The following ATRNL1 variants were observed in gnomAD, a reference collection of about 807,000 sequenced individuals.
ATRNL1 encodes attractin-like protein 1.
In ATRNL1, 95 loss-of-function variants were observed where a neutral mutation model predicts 182.7. The observed-to-expected ratio is 0.52, with a 90% CI of 0.44 to 0.62. The LOEUF is 0.62. Ranked by LOEUF, ATRNL1 falls within the 20% of genes least tolerant of loss-of-function variation. The pLI is 0.00. For synonymous variants in ATRNL1, 576 were observed against 568.3 expected (o/e 1.01, Z -0.19); for missense variants, 1,471 against 1,679.5 (o/e 0.88, Z 2.17).
chr10:115,151,966 A>G (rs551030563), intron 5 of ATRNL1, among the ~76,000 whole-genome samples: 2 of 152,340 alleles, frequency 1.3e-5, no homozygotes, highest in Admixed American at 6.5e-5. Flanking sequence ...TTTATTAAAT[A>G]GGGAATCCTT....
chr10:115,751,763 G>GC (rs1328838223), intron 27 of ATRNL1, among the ~76,000 whole-genome samples: 7 of 152,156 alleles, frequency 4.6e-5, no homozygotes, highest in Admixed American at 3.3e-4. Flanking sequence ...AGTGAAAGTG[G>GC]CAAGTTGAAA....
At chr10:115,475,225 T>C (rs1180564157) in intron 24 of ATRNL1, among the ~76,000 whole-genome samples, 2 of 151,494 alleles carry the variant, frequency 1.3e-5, no homozygotes, top group African/African-American at 4.8e-5. Context: ...TTAATGAATT[T>C]TGGAGATGAT....
intron 28 of ATRNL1, among the ~76,000 whole-genome samples, chr10:115,849,759 T>A (rs74901623): frequency 6.6e-6 from 1 of 152,036 alleles, no homozygotes; most frequent in African/African-American, 2.4e-5. Flanking sequence ...CAAGGAATAA[T>A]TGGGGAGAGG....
At chr10:115,637,490 T>C (rs1259237530) in intron 26 of ATRNL1, among the ~76,000 whole-genome samples, 1 of 151,868 alleles carries the variant, frequency 6.6e-6, no homozygotes, top group Non-Finnish European at 1.5e-5. Context: ...AAAATATTTT[T>C]GTATAGCAGT....
At chr10:115,182,754 A>G (rs1564803197) in intron 8 of ATRNL1, among the ~76,000 whole-genome samples, 1 of 151,544 alleles carries the variant, frequency 6.6e-6, no homozygotes, top group Admixed American at 6.6e-5. Flanking sequence ...ATTCACCACA[A>G]TGATATGATA....
chr10:115,413,658 G>A (rs563332861), intron 20 of ATRNL1, among the ~76,000 whole-genome samples: 9 of 152,128 alleles, frequency 5.9e-5, no homozygotes, highest in Non-Finnish European at 1.2e-4. Flanking sequence ...TAGCTCTTTT[G>A]TTTATGTGAC....
rs570882871 is a variant in ATRNL1, at chr10:115,659,624, TA to T, written c.3796-67623del. On this transcript the variant is annotated intron_variant, in intron 26 of 28. Transcript: ENST00000355044. ...ATTTATGCAGTTATTGTAATGCAGTTATTTAATGTAATGAGTCCTACACATA... is the reference window on the plus strand; with the variant it reads ...ATTTATGCAGTTATTGTAATGCAGTTTTTAATGTAATGAGTCCTACACATA... Among the ~76,000 whole-genome samples, 10 of 152,218 alleles carry T rather than the reference TA, an allele frequency of 6.6e-5. No homozygotes were observed. The East Asian group carries it at 1.9e-3, about 29-fold the overall frequency.
At chr10:115,506,509 C>T (rs577111975) in intron 24 of ATRNL1, among the ~76,000 whole-genome samples, 18 of 152,062 alleles carry the variant, frequency 1.2e-4, no homozygotes, top group African/African-American at 4.3e-4. Flanking sequence ...CTCTACCAGC[C>T]TAGAAGCTGG....
At chr10:115,813,604 A>G (rs531779103) in intron 27 of ATRNL1, among the ~76,000 whole-genome samples, 54 of 148,516 alleles carry the variant, frequency 3.6e-4, no homozygotes, top group African/African-American at 1.4e-3. Flanking sequence ...GCATTAGATT[A>G]TCACTAACAT....
intron 27 of ATRNL1, among the ~76,000 whole-genome samples, chr10:115,844,741 G>A (rs944930994): frequency 6.6e-6 from 1 of 151,960 alleles, no homozygotes; most frequent in South Asian, 2.1e-4. Context: ...GCAGTACAAC[G>A]AATATGAAAA....
intron 26 of ATRNL1, among the ~76,000 whole-genome samples, chr10:115,629,057 T>C (rs1858309768): frequency 6.6e-6 from 1 of 152,168 alleles, no homozygotes; most frequent in South Asian, 2.1e-4. Flanking sequence ...TTTCATTCCA[T>C]TACTCTATAT....
intron 15 of ATRNL1, among the ~76,000 whole-genome samples, chr10:115,295,825 C>T (rs1431481255): frequency 6.6e-6 from 1 of 152,026 alleles, no homozygotes; most frequent in Non-Finnish European, 1.5e-5. Flanking sequence ...CTCCATTCAG[C>T]TGGGGTTGTG....
chr10:115,151,921 C>T (rs372507716), intron 5 of ATRNL1, among the ~76,000 whole-genome samples: 20 of 151,990 alleles, frequency 1.3e-4, no homozygotes, highest in Non-Finnish European at 2.5e-4. Flanking sequence ...CAGTTTCAGC[C>T]TTCTACATAT....
At chr10:115,138,181 G>T (rs1030760119) in intron 5 of ATRNL1, among the ~76,000 whole-genome samples, 1 of 152,198 alleles carries the variant, frequency 6.6e-6, no homozygotes, top group African/African-American at 2.4e-5. Context: ...GGCTTTGCAG[G>T]GTTTAGTCCC....
intron 26 of ATRNL1, among the ~76,000 whole-genome samples, chr10:115,677,575 C>G (rs945479065): frequency 2.6e-5 from 4 of 152,068 alleles, no homozygotes; most frequent in Non-Finnish European, 5.9e-5. Context: ...GGGGTTTCTG[C>G]TTTTGCTTCT....
At chr10:115,493,353 G>A (rs1210507209) in intron 24 of ATRNL1, among the ~76,000 whole-genome samples, 2 of 152,112 alleles carry the variant, frequency 1.3e-5, no homozygotes, top group Non-Finnish European at 2.9e-5. Context: ...TCTCATAAGT[G>A]AGAACATGCA....
chr10:115,694,513 A>T (rs1555049171), intron 26 of ATRNL1, among the ~76,000 whole-genome samples: 1 of 151,054 alleles, frequency 6.6e-6, no homozygotes, highest in Non-Finnish European at 1.5e-5. Flanking sequence ...AGCTATGCAA[A>T]GCATGACTTT....
At chr10:115,707,114 T>C (rs1946923766) in intron 26 of ATRNL1, among the ~76,000 whole-genome samples, 1 of 151,846 alleles carries the variant, frequency 6.6e-6, no homozygotes, top group Non-Finnish European at 1.5e-5. Flanking sequence ...TATCCTGTAG[T>C]ATCACATAAT....
At chr10:115,392,135 A>G (rs1844059841) in intron 19 of ATRNL1, among the ~76,000 whole-genome samples, 1 of 152,152 alleles carries the variant, frequency 6.6e-6, no homozygotes, top group Non-Finnish European at 1.5e-5. Context: ...CATTATATAA[A>G]TTACTAACAG....
Sources: allele counts gnomAD v4.1 joint callset (sites outside exome capture counted in the v4.1 genomes callset), GRCh38; gene constraint gnomAD v4.1.1; transcripts MANE v1.5; gene names NCBI Gene and HGNC (gene_info 2026-07-23, HGNC 2026-07-21).